The following KRT14 variants were observed in gnomAD, a reference collection of about 807,000 sequenced individuals.
The protein encoded by KRT14 is keratin, type I cytoskeletal 14.
A neutral mutation model predicts 44.5 loss-of-function variants in KRT14; 30 were observed. That is an observed-to-expected ratio of 0.67 (90% CI 0.50 to 0.92). The LOEUF (loss-of-function observed/expected upper bound fraction) is 0.92, where lower values mean the gene tolerates loss of function less well. Ranked by LOEUF, KRT14 falls within the 40% of genes least tolerant of loss-of-function variation. The pLI is 0.00. For synonymous variants in KRT14, 241 were observed against 257.6 expected, an observed-to-expected ratio of 0.94 and a Z score of 0.62; for missense variants, 535 against 640.6, an observed-to-expected ratio of 0.84 and a Z score of 1.78.
At chr17:41,582,893 A>T in intron 7 of KRT14, 1 of 640,320 alleles carries the variant, frequency 1.6e-6, no homozygotes, top group East Asian at 2.7e-5. Flanking sequence ...GACACCACGT[A>T]GAAGCAAGAG....
At chr17:41,585,738 G>A (rs1472297148) in intron 1 of KRT14, among the ~76,000 whole-genome samples, 2 of 152,256 alleles carry the variant, frequency 1.3e-5, no homozygotes, top group African/African-American at 4.8e-5. Context: ...AGCCTGCCAG[G>A]CTCTCTCTGT....
At chr17:41,583,968 C>T (rs9900649) in intron 3 of KRT14, 47 bp from the exon 4 acceptor site, 16,131 of 1,592,186 alleles carry the variant, frequency 0.01, 159 homozygotes, top group African/African-American at 0.053. Flanking sequence ...ACCATGGCAG[C>T]GGATTGGTGT....
Position 41,586,881 on chromosome 17 carries a change from A to G in KRT14, c.-47T>C. 1 of 1,544,314 alleles carries G rather than the reference A, an allele frequency of 6.5e-7. No homozygotes were observed. Among genetic ancestry groups the G allele is most frequent in the Non-Finnish European group, 8.7e-7 (1 of 1,148,860 alleles). On this transcript the variant is annotated 5_prime_UTR_variant, in exon 1 of 8. Transcript: ENST00000167586. ...CGAGCGAGCAGTTGGCTGAGTGAAG[A>G]GAAGGTGCTCGGGTAAATTGGAAAG...
Position 41,586,875 on chromosome 17 carries a change from G to A in KRT14, c.-41C>T, listed in dbSNP as rs768372077. 1.9e-6 allele frequency: 3 copies of A among 1,548,158 alleles called. No individual in the cohort carries two copies. The highest frequency in any genetic ancestry group is 4.8e-5 in the East Asian group (2 of 41,392). On this transcript the variant is annotated 5_prime_UTR_variant, in exon 1 of 8. Coordinates refer to ENST00000167586, the MANE Select transcript of KRT14 (RefSeq NM_000526.5). ...GGTGAGCGAGCGAGCAGTTGGCTGAGTGAAGAGAAGGTGCTCGGGTAAATT... is the reference window on the plus strand; with the variant it reads ...GGTGAGCGAGCGAGCAGTTGGCTGAATGAAGAGAAGGTGCTCGGGTAAATT...
chr17:41,584,939 G>C, intron 2 of KRT14, 36 bp downstream of exon 2: 1 of 1,537,226 alleles, frequency 6.5e-7, no homozygotes, highest in Non-Finnish European at 9.0e-7. Context: ...CTACTCTGGG[G>C]ACACTGGATG....
rs1308140276 is a variant in KRT14, at chr17:41,582,546, G to T, written c.1322-14C>A. 1 of 1,551,866 alleles carries T rather than the reference G, an allele frequency of 6.4e-7. No homozygotes were observed. Among genetic ancestry groups the T allele is most frequent in the African/African-American group, 1.4e-5 (1 of 73,286 alleles). The stretch of plus-strand genomic sequence containing the variant: ...TGGAGGAGGTCACTGGGGAAGAGGT[G>T]GGAAGAGGACGTTACCAGAGGTGGA... On this transcript the variant is annotated splice_polypyrimidine_tract_variant and intron_variant, in intron 7 of 7. Coordinates refer to ENST00000167586, the MANE Select transcript of KRT14 (RefSeq NM_000526.5).
intron 4 of KRT14, 29 bp downstream of exon 4, chr17:41,583,731 G>A (rs772942462): frequency 2.5e-6 from 4 of 1,614,258 alleles, no homozygotes; most frequent in Non-Finnish European, 3.4e-6. Context: ...CAGGTGGTCT[G>A]GGTTCCTTCC....
At chr17:41,584,645 ACTTCTAG>A (rs1410686461) in intron 2 of KRT14, among the ~76,000 whole-genome samples, 1 of 152,194 alleles carries the variant, frequency 6.6e-6, no homozygotes, top group African/African-American at 2.4e-5. Context: ...AGGGGGTTGC[ACTTCTAG>A]CTTCAGCCAA....
rs61300844 is a variant in KRT14, at chr17:41,584,069, C to CTTTTTT, written c.766-154_766-149dup. On this transcript the variant is annotated intron_variant, in intron 3 of 7. Transcript: ENST00000167586. ...TCTCTCAATCTCTCTCTCTCTCTCT[C>CTTTTTT]TTTTTTTTTTTTTTTTTTTTTTTTT... is the stretch of plus-strand genomic sequence containing the variant. The CTTTTTT allele has an allele frequency of 8.9e-4, 271 of 304,704 alleles. 10 individuals are homozygous for CTTTTTT. Among genetic ancestry groups the CTTTTTT allele is most frequent in the Non-Finnish European group, 1.1e-3 (201 of 175,778 alleles). The allele number at this position is 304,704 out of a possible 1,614,324, so 18.9% of individuals were successfully genotyped here.
rs3826551 is a variant in KRT14, at chr17:41,586,642, G to C, written c.193C>G (p.Leu65Val). ...SRFSSGGACG[L>V]GGGYGGGFSS... The stretch of plus-strand genomic sequence containing the variant: ...AAGCCACCGCCATAGCCGCCCCCCA[G>C]CCCGCAGGCTCCCCCAGAGGAGAAG... Residue 65 changes from leucine to valine, a missense_variant, in exon 1 of 8, where the codon CTG becomes GTG. By Grantham distance (32) the Leu-to-Val change is conservative (BLOSUM62 1). Coordinates refer to ENST00000167586, the MANE Select transcript of KRT14 (RefSeq NM_000526.5). 1 of 1,606,612 alleles carries C rather than the reference G, an allele frequency of 6.2e-7. No individual in the cohort carries two copies. Among genetic ancestry groups the C allele is most frequent in the African/African-American group, 1.3e-5 (1 of 74,656 alleles).
rs200779504 is a variant in KRT14, at chr17:41,585,059, T to G, written c.526-2A>C. ...ATTGTCCACTGTGGCTGTGAGAATC[T>G]GCAGGATGGAAAAGGCACAGGTAAT... On this transcript the variant is annotated splice_acceptor_variant, in intron 1 of 7. Coordinates refer to ENST00000167586, the MANE Select transcript of KRT14 (RefSeq NM_000526.5). LOFTEE classifies it high-confidence loss of function. The G allele has an allele frequency of 1.9e-5, 31 of 1,612,742 alleles. No individual in the cohort carries two copies. Among genetic ancestry groups the G allele is most frequent in the Non-Finnish European group, 2.3e-5 (27 of 1,178,900 alleles).
chr17:41,586,640 C>G lies in KRT14; in HGVS notation c.195G>C (p.Leu65=), dbSNP rs773825682. The change falls in exon 1 of 8, where the codon CTG becomes CTC. Residue 65 remains leucine, a synonymous_variant. Coordinates refer to ENST00000167586, the MANE Select transcript of KRT14 (RefSeq NM_000526.5). ...TGAAGCCACCGCCATAGCCGCCCCC[C>G]AGCCCGCAGGCTCCCCCAGAGGAGA... The part of the protein sequence containing the change: ...SRFSSGGACG[L]GGGYGGGFSS... The G allele has an allele frequency of 6.2e-7, 1 of 1,607,200 alleles. No homozygotes were observed. Among genetic ancestry groups the G allele is most frequent in the Non-Finnish European group, 8.5e-7 (1 of 1,176,728 alleles).
At position 41,583,825 on chromosome 17, in the gene KRT14, G is replaced by T; in HGVS notation, c.862C>A (p.Arg288Ser). Residue 288 changes from arginine (R) to serine (S), a missense_variant, in exon 4 of 8, where the codon CGT becomes AGT. Transcript: ENST00000167586. ...TCTGCCATCTTCTCATACTGGTCAC[G>T]CATCTCGTTCAGAATGCGGCTCAGG... Reference protein sequence around the residue: ...VDLSRILNEMRDQYEKMAEKN... With the variant: ...VDLSRILNEMSDQYEKMAEKN... 1 of 1,614,136 alleles carries T rather than the reference G, an allele frequency of 6.2e-7. No homozygotes were observed. The highest frequency in any genetic ancestry group is 1.3e-5 in the African/African-American group (1 of 75,018).
rs1386068451 is a variant in KRT14, at chr17:41,582,485, C to T, written c.1369G>A (p.Asp457Asn). The change falls in exon 8 of 8, where the codon GAT becomes AAT. Residue 457 changes from aspartate (D) to asparagine (N), a missense_variant. Transcript: ENST00000167586. ...TCGTGGGTGGACACCACCTTGCCAT[C>T]GTGCACATCCATGACCTTGGTGCGG... ...QIRTKVMDVH[D>N]GKVVSTHEQV... is the part of the protein sequence containing the mutation. 8.3e-6 allele frequency: 13 copies of T among 1,573,980 alleles called. No individual in the cohort carries two copies. Among genetic ancestry groups the T allele is most frequent in the East Asian group, 2.3e-5 (1 of 42,660 alleles).
chr17:41,584,045 C>G, intron 3 of KRT14, 124 bp from the exon 4 acceptor site: 1 of 880,980 alleles, frequency 1.1e-6, no homozygotes, highest in South Asian at 1.4e-5. Context: ...CTCTCTCTCT[C>G]TCTCAATCTC....
In KRT14 at chr17:41,583,356, C is replaced by T; in HGVS notation, c.1153G>A (p.Ala385Thr). Reference protein sequence around the residue: ...EMIGSVEEQLAQLRCEMEQQN... With the variant: ...EMIGSVEEQLTQLRCEMEQQN... Reference sequence around the variant, plus strand: ...TGCTCCATCTCGCAGCGGAGCTGGGCCAGCTGCTCCTCCACGCTGCCAATC... The same window carrying T: ...TGCTCCATCTCGCAGCGGAGCTGGGTCAGCTGCTCCTCCACGCTGCCAATC... Residue 385 changes from alanine (A) to threonine (T), a missense_variant, in exon 6 of 8, where the codon GCC becomes ACC. Coordinates refer to ENST00000167586, the MANE Select transcript of KRT14 (RefSeq NM_000526.5). 1 of 1,613,676 alleles carries T rather than the reference C, an allele frequency of 6.2e-7. No homozygotes were observed. Among genetic ancestry groups the T allele is most frequent in the East Asian group, 2.2e-5 (1 of 44,862 alleles).
chr17:41,586,615 T>C lies in KRT14; in HGVS notation c.220A>G (p.Ser74Gly). 1 of 1,610,612 alleles carries C rather than the reference T, an allele frequency of 6.2e-7. No individual in the cohort carries two copies. The highest frequency in any genetic ancestry group is 1.7e-5 in the Admixed American group (1 of 59,740). ...GLGGGYGGGF[S>G]SSSSSFGSGF... The stretch of plus-strand genomic sequence containing the variant: ...CTACCAAAGCTGCTGCTGCTGCTGC[T>C]GAAGCCACCGCCATAGCCGCCCCCC... The change falls in exon 1 of 8, where the codon AGC (serine) becomes GGC (glycine). Residue 74 changes from serine (S) to glycine (G), a missense_variant. Coordinates refer to ENST00000167586, the MANE Select transcript of KRT14 (RefSeq NM_000526.5).
intron 2 of KRT14, 112 bp downstream of exon 2, chr17:41,584,863 G>A (rs1269369529): frequency 1.3e-6 from 1 of 794,124 alleles, no homozygotes; most frequent in Non-Finnish European, 2.2e-6. Context: ...AGCACCCCAG[G>A]GAGTTTTCAT....
chr17:41,586,194 G>T, intron 1 of KRT14, 116 bp downstream of exon 1: 1 of 1,352,616 alleles, frequency 7.4e-7, no homozygotes, highest in East Asian at 2.3e-5. Context: ...TCGAAAGAAG[G>T]GATCTGGGGT....
Sources: allele counts gnomAD v4.1 joint callset (sites outside exome capture counted in the v4.1 genomes callset), GRCh38; gene constraint gnomAD v4.1.1; transcripts MANE v1.5; gene names NCBI Gene and HGNC (gene_info 2026-07-23, HGNC 2026-07-21).